Variants in ITPR2 observed in about 807,000 individuals in gnomAD.
ITPR2 encodes inositol 1,4,5-trisphosphate-gated calcium channel ITPR2.
Under a neutral mutation model 317.1 loss-of-function variants are expected in ITPR2, and 207 were observed. The observed-to-expected ratio is 0.65, with a 90% CI of 0.58 to 0.73. The LOEUF is 0.73. ITPR2 is among the 30% of genes least tolerant of loss of function. ITPR2 has a pLI of 0.00. For synonymous variants in ITPR2, 1,156 were observed against 1,149.1 expected, an observed-to-expected ratio of 1.01 and a Z score of -0.12; for missense variants, 2,613 against 3,284.0, an observed-to-expected ratio of 0.80 and a Z score of 4.99.
Position 26,339,197 on chromosome 12 carries a change from A to G in ITPR2, c.*200T>C. On this transcript the variant is annotated 3_prime_UTR_variant, in exon 57 of 57. Coordinates refer to ENST00000381340, the MANE Select transcript of ITPR2 (RefSeq NM_002223.4). ...ATGTGTGATGTACGCTTTCTAGCAGATGCATTTGAGGTTAGGTCTTCGCAA... is the reference window on the plus strand; with the variant it reads ...ATGTGTGATGTACGCTTTCTAGCAGGTGCATTTGAGGTTAGGTCTTCGCAA... 1 of 555,378 alleles carries G rather than the reference A, an allele frequency of 1.8e-6. No individual in the cohort carries two copies. Among genetic ancestry groups the G allele is most frequent in the Non-Finnish European group, 3.2e-6 (1 of 307,826 alleles). The allele number at this position is 555,378 out of a possible 1,614,324, so 34.4% of individuals were successfully genotyped here.
chr12:26,692,852 A>C (rs1320353745), intron 10 of ITPR2, among the ~76,000 whole-genome samples: 2 of 152,234 alleles, frequency 1.3e-5, no homozygotes, highest in Non-Finnish European at 2.9e-5. Context: ...GAAAGAAAAA[A>C]TTAGCATGGT....
chr12:26,725,511 C>T lies in ITPR2; in HGVS notation c.279+139G>A, dbSNP rs774535878. The T allele has an allele frequency of 1.9e-4, 117 of 622,910 alleles. 1 individual carries two copies. The highest frequency in any genetic ancestry group is 1.8e-4 in the Non-Finnish European group (64 of 348,396). The allele number at this position is 622,910 out of a possible 1,614,324, so 38.6% of individuals were successfully genotyped here. Reference sequence around the variant, plus strand: ...ACACCCTATTACTTGAAAAGCCCTTCTACTTTCAATGTGTTGCTATATGTA... The same window carrying T: ...ACACCCTATTACTTGAAAAGCCCTTTTACTTTCAATGTGTTGCTATATGTA... On this transcript the variant is annotated intron_variant, in intron 3 of 56. Transcript: ENST00000381340.
At chr12:26,539,506 C>T (rs963367573) in intron 37 of ITPR2, among the ~76,000 whole-genome samples, 2 of 152,250 alleles carry the variant, frequency 1.3e-5, no homozygotes, top group South Asian at 4.1e-4. Flanking sequence ...TTGCTTGTTC[C>T]TACTGGATCC....
chr12:26,567,996 AT>A (rs1331196530), intron 34 of ITPR2, among the ~76,000 whole-genome samples: 9 of 5,150 alleles, frequency 1.7e-3, no homozygotes, highest in African/African-American at 3.5e-3. Flanking sequence ...ATATATATAT[AT>A]TATATATATT....
At chr12:26,579,521 GT>G (rs1393618293) in intron 33 of ITPR2, among the ~76,000 whole-genome samples, 1 of 151,866 alleles carries the variant, frequency 6.6e-6, no homozygotes, top group African/African-American at 2.4e-5. Flanking sequence ...TATTTTCTTG[GT>G]CATCAATTTT....
At chr12:26,430,471 C>A (rs1161337411) in intron 48 of ITPR2, among the ~76,000 whole-genome samples, 1 of 152,166 alleles carries the variant, frequency 6.6e-6, no homozygotes, top group Non-Finnish European at 1.5e-5. Context: ...ACCCTGTTGG[C>A]CAGGCTGGTC....
At chr12:26,392,053 T>C (rs769048332) in intron 54 of ITPR2, among the ~76,000 whole-genome samples, 6 of 152,194 alleles carry the variant, frequency 3.9e-5, no homozygotes, top group Non-Finnish European at 5.9e-5. Flanking sequence ...TCTTGCTCTC[T>C]AAGCTTCATC....
Position 26,419,177 on chromosome 12 carries a change from C to T in ITPR2, c.6982G>A (p.Gly2328Arg). 6.2e-7 allele frequency: 1 copy of T among 1,613,554 alleles called. No homozygotes were observed. Among genetic ancestry groups the T allele is most frequent in the Non-Finnish European group, 8.5e-7 (1 of 1,179,700 alleles). The change falls in exon 50 of 57, where the codon GGA becomes AGA. Residue 2328 changes from glycine (G) to arginine (R), a missense_variant. Gly to Arg is a moderately radical substitution (Grantham distance 125). Around this residue, in one of 9 missense-constraint regions of ITPR2, gnomAD observed 78 missense variants for 110.3 expected, o/e 0.71. Transcript: ENST00000381340. ...CCACGGGTGAACGTGCCACGATTTC[C>T]AACAAAACTCACCAGAAAAACAATT... is the stretch of plus-strand genomic sequence containing the variant. Reference protein sequence around the residue: ...NKIVFLVSFVGNRGTFTRGYR... With the variant: ...NKIVFLVSFVRNRGTFTRGYR...
At chr12:26,487,542 T>C (rs188049360) in intron 39 of ITPR2, among the ~76,000 whole-genome samples, 3 of 152,322 alleles carry the variant, frequency 2.0e-5, no homozygotes, top group Admixed American at 2.0e-4. Flanking sequence ...TGTAAGAAGT[T>C]GTATGGAAAG....
chr12:26,695,751 T>C, intron 9 of ITPR2, 101 bp from the exon 10 acceptor site: 1 of 736,966 alleles, frequency 1.4e-6, no homozygotes, highest in Non-Finnish European at 2.3e-6. Context: ...TCAACTAAGT[T>C]TAATATAAAA....
intron 41 of ITPR2, 49 bp from the exon 42 acceptor site, chr12:26,483,947 C>T: frequency 4.7e-6 from 7 of 1,484,766 alleles, no homozygotes; most frequent in Non-Finnish European, 4.7e-6. Flanking sequence ...ATTCACTGTG[C>T]TGATTGTTTG....
intron 31 of ITPR2, among the ~76,000 whole-genome samples, chr12:26,596,391 A>G (rs1347059004): frequency 6.6e-6 from 1 of 152,226 alleles, no homozygotes; most frequent in African/African-American, 2.4e-5. Context: ...TCACGCCTGT[A>G]AATCCAACAC....
chr12:26,832,891 C>A lies in ITPR2; in HGVS notation c.-110G>T. The A allele has an allele frequency of 1.2e-6, 1 of 826,088 alleles. No individual in the cohort carries two copies. The highest frequency in any genetic ancestry group is 1.5e-5 in the South Asian group (1 of 67,342). 51.2% of individuals were successfully genotyped at this position (826,088 alleles called of 1,614,324 possible). On this transcript the variant is annotated 5_prime_UTR_variant, in exon 1 of 57. Coordinates refer to ENST00000381340, the MANE Select transcript of ITPR2 (RefSeq NM_002223.4). ...GGATCGGATCGCGGGACTACAGCGG[C>A]CAAGAGCCGCGGCGGAGGGCACGGC...
intron 26 of ITPR2, among the ~76,000 whole-genome samples, chr12:26,616,439 A>G (rs1213699327): frequency 6.6e-6 from 1 of 152,158 alleles, no homozygotes; most frequent in Non-Finnish European, 1.5e-5. Context: ...GCCCGGCCGC[A>G]TGTGGAAATT....
intron 1 of ITPR2, among the ~76,000 whole-genome samples, chr12:26,816,806 T>A (rs2137280957): frequency 6.6e-6 from 1 of 151,912 alleles, no homozygotes; most frequent in Admixed American, 6.5e-5. Flanking sequence ...GAAATCCACA[T>A]AATAAACAGG....
At chr12:26,548,356 A>G (rs944598761) in intron 37 of ITPR2, among the ~76,000 whole-genome samples, 2 of 152,140 alleles carry the variant, frequency 1.3e-5, no homozygotes, top group African/African-American at 4.8e-5. Context: ...ATGAAGACAG[A>G]TGGGGGTGTG....
chr12:26,750,438 C>G (rs962760141), intron 2 of ITPR2, among the ~76,000 whole-genome samples: 1 of 152,196 alleles, frequency 6.6e-6, no homozygotes, highest in African/African-American at 2.4e-5. Context: ...AGAGAGCCAT[C>G]TCTAAGCTGT....
rs767278852 is a variant in ITPR2 at position 26,338,615 on chromosome 12, G to A, written c.*782C>T. 11 of 152,060 alleles carry A rather than the reference G, an allele frequency of 7.2e-5. No homozygotes were observed. Among genetic ancestry groups the A allele is most frequent in the Non-Finnish European group, 1.3e-4 (9 of 68,000 alleles). The allele number at this position is 152,060 out of a possible 1,614,324, so 9.4% of individuals were successfully genotyped here. On this transcript the variant is annotated 3_prime_UTR_variant, in exon 57 of 57. Transcript: ENST00000381340. ...TGGTCTCAAAAAACCCTTTCCTGGG[G>A]CTTACTGTTGGCTTTTTATTCCCCC...
rs117870610 is a variant in ITPR2 at position 26,371,836 on chromosome 12, A to G, written c.7857+15598T>C. On this transcript the variant is annotated intron_variant, in intron 55 of 56. Transcript: ENST00000381340. Reference sequence around the variant, plus strand: ...CACATTTTTCATCAGTGTGATGGTCACTGATTTTCCTTCTGCCAGACTCTT... The same window carrying G: ...CACATTTTTCATCAGTGTGATGGTCGCTGATTTTCCTTCTGCCAGACTCTT... Among the ~76,000 whole-genome samples the G allele has an allele frequency of 7.5e-3, 1,148 of 152,186 alleles. 5 individuals carry two copies. The highest frequency in any genetic ancestry group is 0.011 in the Non-Finnish European group (758 of 67,990).
Sources: gnomAD v4.1 joint callset for allele counts (sites outside exome capture counted in the v4.1 genomes callset) on GRCh38, gnomAD v4.1.1 for gene constraint, gnomAD v4.1.1 regional missense constraint, MANE v1.5 for transcripts, NCBI Gene and HGNC (gene_info 2026-07-23, HGNC 2026-07-21) for gene names.